STK31: variants seen among roughly 807,000 people sequenced by gnomAD.
The protein encoded by STK31 is serine/threonine-protein kinase 31.
A neutral mutation model predicts 129.7 loss-of-function variants in STK31; 89 were observed. The ratio of observed to expected loss-of-function variants is 0.69; its 90% confidence interval spans 0.58 to 0.82. STK31 has a LOEUF of 0.82. Among genes scored for constraint, STK31 ranks in the 40% least tolerant of loss-of-function variants. The pLI, the probability that STK31 is intolerant of heterozygous loss-of-function variation, is 0.00. For missense variants in STK31, 1,187 were observed against 1,176.4 expected, an observed-to-expected ratio of 1.01 and a Z score of -0.13; for synonymous variants, 448 against 395.3, an observed-to-expected ratio of 1.13 and a Z score of -1.58.
chr7:23,811,215 G>C (rs943639667), intron 22 of STK31: 2 of 261,172 alleles, frequency 7.7e-6, no homozygotes, highest in Non-Finnish European at 1.5e-5. Context: ...CAGTAGTTTA[G>C]CAGAGCAACT....
intron 6 of STK31, 37 bp from the exon 7 acceptor site, chr7:23,735,499 CAT>C: frequency 6.7e-7 from 1 of 1,489,510 alleles, no homozygotes; most frequent in Non-Finnish European, 9.0e-7. Context: ...GGAAGAGAAA[CAT>C]GTTGGTGTAG....
intron 15 of STK31, among the ~76,000 whole-genome samples, chr7:23,778,248 T>C (rs186934547): frequency 2.0e-5 from 3 of 152,330 alleles, no homozygotes; most frequent in East Asian, 3.9e-4. Flanking sequence ...ACCCAACCTT[T>C]CTCTCTGGCT....
chr7:23,733,048 GATATA>G (rs1348810319), intron 6 of STK31, among the ~76,000 whole-genome samples: 3 of 151,818 alleles, frequency 2.0e-5, no homozygotes, highest in Non-Finnish European at 1.5e-5. Flanking sequence ...TGATATAATT[GATATA>G]ATATATTGAT....
chr7:23,814,149 A>G (rs28696102), intron 22 of STK31, among the ~76,000 whole-genome samples: 1 of 119,218 alleles, frequency 8.4e-6, no homozygotes, highest in Non-Finnish European at 1.6e-5. Context: ...TGGCTCACTT[A>G]TTTTTTTTTT....
At chr7:23,796,297 T>C (rs1437285166) in intron 22 of STK31, among the ~76,000 whole-genome samples, 1 of 152,192 alleles carries the variant, frequency 6.6e-6, no homozygotes, top group Non-Finnish European at 1.5e-5. Flanking sequence ...AGCATGATTT[T>C]CATCAATGCT....
chr7:23,754,220 AC>A, intron 9 of STK31, 94 bp from the exon 10 acceptor site: 1 of 1,306,030 alleles, frequency 7.7e-7, no homozygotes, highest in Non-Finnish European at 1.0e-6. Flanking sequence ...TGCTGTAAAC[AC>A]TAACTTTTAG....
At position 23,752,904 on chromosome 7, in the gene STK31, G is replaced by A. The variant is rs572381097; in HGVS notation, c.1133+72G>A. On this transcript the variant is annotated intron_variant, in intron 9 of 23. Transcript: ENST00000355870. ...AATCAATTGGTGCTTTGTTTAAATT[G>A]TGTGCTTGCCATTTTTGCTTTAAAA... 39 of 985,756 alleles carry A rather than the reference G, an allele frequency of 4.0e-5. No homozygotes were observed. In the East Asian group the frequency reaches 9.1e-4, roughly 23 times the overall value. 61.1% of individuals were successfully genotyped at this position (985,756 alleles called of 1,614,324 possible). A position where few individuals can be genotyped will look rare whatever the true frequency, so the allele number is the denominator to read the frequency against.
At chr7:23,798,582 G>T (rs970733510) in intron 22 of STK31, among the ~76,000 whole-genome samples, 1 of 152,042 alleles carries the variant, frequency 6.6e-6, no homozygotes, top group Non-Finnish European at 1.5e-5. Context: ...AATAAACTAG[G>T]TATTGATGGA....
At chr7:23,731,010 G>C (rs904929787) in intron 6 of STK31, among the ~76,000 whole-genome samples, 10 of 149,224 alleles carry the variant, frequency 6.7e-5, no homozygotes, top group African/African-American at 9.8e-5. Flanking sequence ...TCAGTCTCCT[G>C]ATAGCTGGAA....
At chr7:23,798,154 C>T (rs10215107) in intron 22 of STK31, among the ~76,000 whole-genome samples, 17,155 of 152,042 alleles carry the variant, frequency 0.11, 1,531 homozygotes, top group African/African-American at 0.25. Flanking sequence ...GATACACAGT[C>T]GAATTCCACC....
chr7:23,752,717 C>T lies in STK31; in HGVS notation c.1018C>T (p.Gln340Ter). 1 of 1,604,206 alleles carries T rather than the reference C, an allele frequency of 6.2e-7. No individual in the cohort carries two copies. The highest frequency in any genetic ancestry group is 8.5e-7 in the Non-Finnish European group (1 of 1,171,310). The change falls in exon 9 of 24, where the codon CAA becomes TAA. Residue 340 changes from glutamine to a stop codon, truncating the protein, a stop_gained and splice_region_variant. Transcript: ENST00000355870. LOFTEE classifies it high-confidence loss of function. ...KVEQIAQELQ[Q>*]EKAAAVDLTN... ...AGAATGTGTTTATTCTTTGTTTCAG[C>T]AAGAGAAGGCAGCTGCTGTGGATTT...
intron 21 of STK31, among the ~76,000 whole-genome samples, chr7:23,790,530 T>C (rs1454562416): frequency 6.6e-6 from 1 of 152,156 alleles, no homozygotes; most frequent in African/African-American, 2.4e-5. Flanking sequence ...TGCTCACTCT[T>C]GTGAAATTTA....
At chr7:23,789,561 C>T (rs1791495112) in intron 21 of STK31, among the ~76,000 whole-genome samples, 1 of 151,968 alleles carries the variant, frequency 6.6e-6, no homozygotes, top group South Asian at 2.1e-4. Context: ...GATATGGTAG[C>T]TCAAAAAGAT....
intron 4 of STK31, among the ~76,000 whole-genome samples, chr7:23,723,266 A>ATTC (rs1786837660): frequency 6.6e-6 from 1 of 152,066 alleles, no homozygotes; most frequent in African/African-American, 2.4e-5. Context: ...TCTAATGCCA[A>ATTC]TTCTCCTTTC....
intron 8 of STK31, among the ~76,000 whole-genome samples, chr7:23,739,904 G>A (rs532287585): frequency 1.3e-5 from 2 of 152,298 alleles, no homozygotes; most frequent in South Asian, 4.1e-4. Flanking sequence ...AAGTCAGATA[G>A]CGTGATGTCT....
At chr7:23,741,942 C>T (rs748326489) in intron 8 of STK31, among the ~76,000 whole-genome samples, 1 of 152,348 alleles carries the variant, frequency 6.6e-6, no homozygotes, top group East Asian at 1.9e-4. Context: ...ATTAAACTCT[C>T]CAAGTGACAC....
At chr7:23,717,998 A>G (rs1376732534) in intron 4 of STK31, among the ~76,000 whole-genome samples, 2 of 152,140 alleles carry the variant, frequency 1.3e-5, no homozygotes, top group African/African-American at 2.4e-5. Flanking sequence ...GAAAAGAGCT[A>G]TGGAGATGGA....
intron 23 of STK31, among the ~76,000 whole-genome samples, chr7:23,831,489 T>C (rs922006547): frequency 6.6e-6 from 1 of 152,174 alleles, no homozygotes; most frequent in Non-Finnish European, 1.5e-5. Context: ...CAGCATACAA[T>C]TGGGTCATTT....
intron 10 of STK31, among the ~76,000 whole-genome samples, chr7:23,756,694 ACATGAAGG>A (rs1789104747): frequency 6.6e-6 from 1 of 152,200 alleles, no homozygotes; most frequent in Non-Finnish European, 1.5e-5. Context: ...AGAGTTTTTA[ACATGAAGG>A]CATGTTGAAT....
Sources: allele counts gnomAD v4.1 joint callset (sites outside exome capture counted in the v4.1 genomes callset), GRCh38; gene constraint gnomAD v4.1.1; transcripts MANE v1.5; gene names NCBI Gene and HGNC (gene_info 2026-07-23, HGNC 2026-07-21).